PKD1L1: variants seen among roughly 807,000 people sequenced by gnomAD.
PKD1L1 encodes the protein polycystin-1-like protein 1.
A neutral mutation model predicts 323.4 loss-of-function variants in PKD1L1; 236 were observed. The ratio of observed to expected loss-of-function variants is 0.73; its 90% CI spans 0.66 to 0.81. PKD1L1 has a LOEUF of 0.81. Among genes scored for constraint, PKD1L1 ranks in the 40% least tolerant of loss-of-function variants. The probability of loss-of-function intolerance (pLI) is 0.00; values close to 1 mark genes in which losing one functional copy is unlikely to be tolerated. For synonymous variants in PKD1L1, 1,344 were observed against 1,335.0 expected, an observed-to-expected ratio of 1.01 and a Z score of -0.15; for missense variants, 3,320 against 3,508.0, an observed-to-expected ratio of 0.95 and a Z score of 1.35.
At chr7:47,883,242 G>C (rs754071921) in intron 19 of PKD1L1, among the ~76,000 whole-genome samples, 4 of 152,200 alleles carry the variant, frequency 2.6e-5, no homozygotes, top group Non-Finnish European at 5.9e-5. Flanking sequence ...AGGAGACAGT[G>C]CTTCTCTTGG....
At chr7:47,821,764 T>G (rs1467678295) in intron 45 of PKD1L1, among the ~76,000 whole-genome samples, 2 of 151,714 alleles carry the variant, frequency 1.3e-5, no homozygotes. Flanking sequence ...CTCAGCTCAT[T>G]GCAACCTCCC....
chr7:47,902,297 T>C, intron 13 of PKD1L1, 82 bp downstream of exon 13: 1 of 1,533,936 alleles, frequency 6.5e-7, no homozygotes, highest in Non-Finnish European at 8.8e-7. Flanking sequence ...TGCCCCAAAC[T>C]CTCACCACTC....
At chr7:47,953,575 C>T in the PKD1L1 span, among the ~76,000 whole-genome samples, 1 of 152,206 alleles carries the variant, frequency 6.6e-6, no homozygotes, top group African/African-American at 2.4e-5. Context: ...CAGACCTGTC[C>T]AGTGTGAAGG....
In PKD1L1 at chr7:47,928,886, T is replaced by C. The variant is rs192096854; in HGVS notation, c.1060+318A>G. The stretch of plus-strand genomic sequence containing the variant: ...ATAGTTATTATTTTTAGAATTCTGC[T>C]TCTGTGTAGGATGAAGCGCCAGTAC... On this transcript the variant is annotated intron_variant, in intron 7 of 56. Coordinates refer to ENST00000289672, the MANE Select transcript of PKD1L1 (RefSeq NM_138295.5). Among the ~76,000 whole-genome samples the C allele has an allele frequency of 1.6e-3, 244 of 152,320 alleles. 2 individuals are homozygous for C. Among genetic ancestry groups the C allele is most frequent in the African/African-American group, 5.5e-3 (230 of 41,558 alleles).
At chr7:47,783,454 C>A (rs1325241651) in intron 56 of PKD1L1, among the ~76,000 whole-genome samples, 2 of 152,158 alleles carry the variant, frequency 1.3e-5, no homozygotes, top group Non-Finnish European at 2.9e-5. Flanking sequence ...ATACTTTCTT[C>A]AAATATTTAC....
rs1785052802 is a variant in PKD1L1, at chr7:47,817,817, C to T, written c.6966-2360G>A. ...CCCGGGAGGCAGAGGCTGCAGTGAG[C>T]CGAGATCGCGTCACTGCACTCCAGC... On this transcript the variant is annotated intron_variant, in intron 46 of 56. Coordinates refer to ENST00000289672, the MANE Select transcript of PKD1L1 (RefSeq NM_138295.5). Among the ~76,000 whole-genome samples the T allele has an allele frequency of 1.3e-5, 2 of 152,046 alleles. 1 individual carries two copies. The highest frequency in any genetic ancestry group is 4.2e-4 in the South Asian group (2 of 4,812).
intron 4 of PKD1L1, 87 bp downstream of exon 4, chr7:47,936,759 G>T: frequency 1.9e-6 from 2 of 1,042,484 alleles, no homozygotes; most frequent in South Asian, 1.4e-5. Flanking sequence ...AACAAGCATC[G>T]ACTTTCACAT....
At chr7:47,781,763 T>A (rs558317360) in intron 56 of PKD1L1, among the ~76,000 whole-genome samples, 1 of 152,276 alleles carries the variant, frequency 6.6e-6, no homozygotes, top group East Asian at 1.9e-4. Flanking sequence ...TCCTGTTTTT[T>A]TCTCCTGCAA....
At position 47,845,037 on chromosome 7, in the gene PKD1L1, A is replaced by G. The variant is rs1562956608; in HGVS notation, c.5195T>C (p.Leu1732Pro). The change falls in exon 33 of 57, where the codon CTG becomes CCG. Residue 1732 changes from leucine to proline, a missense_variant. Coordinates refer to ENST00000289672, the MANE Select transcript of PKD1L1 (RefSeq NM_138295.5). ...LAAFALLRRK[L>P]KASFEVSDIS... is the part of the protein sequence containing the mutation. ...GTCACTCACTTCAAAACTGGCCTTC[A>G]GCTTTCTCCTTAGGAGAGCGAATGC... 2 of 1,613,926 alleles carry G rather than the reference A, an allele frequency of 1.2e-6. No homozygotes were observed. The highest frequency in any genetic ancestry group is 8.5e-7 in the Non-Finnish European group (1 of 1,179,998).
At chr7:47,833,012 T>C (rs1356794018) in intron 41 of PKD1L1, 78 bp downstream of exon 41, 10 of 1,500,828 alleles carry the variant, frequency 6.7e-6, no homozygotes, top group Non-Finnish European at 9.0e-6. Flanking sequence ...ATTGTGACTC[T>C]GCTTGCCCTG....
intron 52 of PKD1L1, 21 bp from the exon 53 acceptor site, chr7:47,803,365 A>T (rs368627673): frequency 1.2e-4 from 198 of 1,612,434 alleles, no homozygotes; most frequent in Non-Finnish European, 1.6e-4. Context: ...AGAACATAAC[A>T]GTCAGTGTGC....
At chr7:47,874,541 G>T (rs555042645) in intron 23 of PKD1L1, among the ~76,000 whole-genome samples, 12 of 152,310 alleles carry the variant, frequency 7.9e-5, no homozygotes, top group African/African-American at 2.9e-4. Flanking sequence ...CACTTCTCAA[G>T]ATGTGGTCTA....
rs375120818 is a variant in PKD1L1, at chr7:47,880,821, G to A, written c.3443-16C>T. On this transcript the variant is annotated splice_polypyrimidine_tract_variant and intron_variant, in intron 20 of 56. Transcript: ENST00000289672. ...TCTGTAATACCTGCAGAAAAGACAT[G>A]GCTGCATGGAAATGACAGTCAGTGG... 7 of 1,586,036 alleles carry A rather than the reference G, an allele frequency of 4.4e-6. No individual in the cohort carries two copies. The African/African-American group carries it at 9.6e-5, about 22-fold the overall frequency.
At chr7:47,817,342 C>T (rs1362067615) in intron 46 of PKD1L1, among the ~76,000 whole-genome samples, 1 of 152,122 alleles carries the variant, frequency 6.6e-6, no homozygotes, top group African/African-American at 2.4e-5. Context: ...TAACTGTTTC[C>T]AGCACACCAC....
chr7:47,868,899 T>C, intron 24 of PKD1L1, among the ~76,000 whole-genome samples: 1 of 151,970 alleles, frequency 6.6e-6, no homozygotes, highest in East Asian at 1.9e-4. Context: ...AGACAGAAAA[T>C]TTTATAAAAC....
rs1417631653 is a variant in PKD1L1, at chr7:47,898,190, C to T, written c.2069G>A (p.Trp690Ter). The T allele has an allele frequency of 6.2e-7, 1 of 1,612,678 alleles. No homozygotes were observed. The highest frequency in any genetic ancestry group is 8.5e-7 in the Non-Finnish European group (1 of 1,179,002). ...TCCCAGCCTCACAGGCTGAGACCTC[C>T]ATATCTAAGTATCAAGAAGAGAAGA... Reference protein sequence around the residue: ...KNMGPGKVQIWRSQPVRLGVT... With the variant: ...KNMGPGKVQI Residue 690 changes from tryptophan (W) to a stop codon, truncating the protein, a stop_gained, in exon 14 of 57, where the codon TGG (tryptophan) becomes TAG (stop). Transcript: ENST00000289672. LOFTEE classifies it high-confidence loss of function.
At chr7:47,795,277 G>A (rs1784493528) in intron 55 of PKD1L1, 1 of 446,266 alleles carries the variant, frequency 2.2e-6, no homozygotes, top group South Asian at 1.6e-5. Context: ...ATAGGGGCTG[G>A]TCTTTCTCAT....
chr7:47,928,525 G>A (rs192976532), intron 7 of PKD1L1, among the ~76,000 whole-genome samples: 2 of 152,252 alleles, frequency 1.3e-5, no homozygotes, highest in East Asian at 3.9e-4. Context: ...AGCCGAGATT[G>A]CGCCACTGCA....
chr7:47,915,774 C>G (rs1436198168), intron 7 of PKD1L1, among the ~76,000 whole-genome samples, 175 bp from the exon 8 acceptor site: 1 of 151,950 alleles, frequency 6.6e-6, no homozygotes, highest in Non-Finnish European at 1.5e-5. Flanking sequence ...GAAGAAAATA[C>G]AGATGCCAAT....
Sources: allele counts gnomAD v4.1 joint callset (sites outside exome capture counted in the v4.1 genomes callset), GRCh38; gene constraint gnomAD v4.1.1; transcripts MANE v1.5; gene names NCBI Gene and HGNC (gene_info 2026-07-23, HGNC 2026-07-21).